The following SEZ6L variants were observed in gnomAD, a reference collection of about 807,000 sequenced individuals.
The protein encoded by SEZ6L is seizure related 6 homolog like, also known as seizure 6-like protein.
Under a neutral mutation model 106.2 loss-of-function variants are expected in SEZ6L, and 37 were observed. The observed-to-expected ratio is 0.35, with a 90% CI of 0.27 to 0.46. SEZ6L has a LOEUF of 0.46. SEZ6L is among the 20% of genes least tolerant of loss of function. SEZ6L has a pLI of 1.00. For synonymous variants in SEZ6L, 541 were observed against 570.4 expected, an observed-to-expected ratio of 0.95 and a Z score of 0.73; for missense variants, 1,172 against 1,332.8, an observed-to-expected ratio of 0.88 and a Z score of 1.88.
chr22:26,298,252 T>C (rs1428272746), intron 4 of SEZ6L, among the ~76,000 whole-genome samples: 1 of 152,180 alleles, frequency 6.6e-6, no homozygotes, highest in Non-Finnish European at 1.5e-5. Context: ...GTACTGAGAA[T>C]AAAGATATTC....
intron 1 of SEZ6L, among the ~76,000 whole-genome samples, chr22:26,275,857 T>C (rs527528303): frequency 6.6e-6 from 1 of 152,282 alleles, no homozygotes; most frequent in East Asian, 1.9e-4. Flanking sequence ...GGGGACCTTT[T>C]AGCTGGAGCA....
intron 1 of SEZ6L, among the ~76,000 whole-genome samples, chr22:26,287,861 G>A (rs2080987046): frequency 6.6e-6 from 1 of 152,230 alleles, no homozygotes; most frequent in South Asian, 2.1e-4. Flanking sequence ...TTAAGGAAAA[G>A]GGGATAGTAG....
chr22:26,182,041 C>A (rs1939433864), intron 1 of SEZ6L, among the ~76,000 whole-genome samples: 2 of 152,170 alleles, frequency 1.3e-5, no homozygotes, highest in Non-Finnish European at 2.9e-5. Flanking sequence ...CCCCTCTAGA[C>A]TGAGGTCCCT....
chr22:26,350,957 A>C (rs1401844536), intron 11 of SEZ6L, 95 bp from the exon 12 acceptor site: 18 of 1,367,072 alleles, frequency 1.3e-5, no homozygotes, highest in Non-Finnish European at 1.8e-5. Flanking sequence ...CACCCGGCCA[A>C]GTTAGGAAAC....
chr22:26,293,096 C>T lies in SEZ6L; in HGVS notation c.785C>T (p.Thr262Ile), dbSNP rs375502842. The T allele has an allele frequency of 6.2e-7, 1 of 1,604,360 alleles. No individual in the cohort carries two copies. The highest frequency in any genetic ancestry group is 8.5e-7 in the Non-Finnish European group (1 of 1,178,034). The change falls in exon 2 of 17, where the codon ACT becomes ATT. Residue 262 changes from threonine to isoleucine, a missense_variant. By Grantham distance (89) the Thr-to-Ile change is moderately conservative. Around this residue, in one of 4 missense-constraint regions of SEZ6L, gnomAD observed 494 missense variants for 445.8 expected, o/e 1.11. Transcript: ENST00000248933. ...GSASEESQET[T>I]TSTIITTTVI... is the part of the protein sequence containing the mutation. ...GCCTCAGAGGAGAGCCAGGAGACCA[C>T]TACCTCCACCATTATCACCACCACG...
At chr22:26,339,422 A>G (rs1254312101) in intron 9 of SEZ6L, among the ~76,000 whole-genome samples, 1 of 152,236 alleles carries the variant, frequency 6.6e-6, no homozygotes, top group Non-Finnish European at 1.5e-5. Flanking sequence ...TTAGAGATCA[A>G]TTTTATCTAG....
At chr22:26,250,033 T>A (rs963455378) in intron 1 of SEZ6L, among the ~76,000 whole-genome samples, 1 of 152,196 alleles carries the variant, frequency 6.6e-6, no homozygotes, top group African/African-American at 2.4e-5. Flanking sequence ...TTTGTTGCTG[T>A]TGAGTTGAGT....
chr22:26,287,717 A>C (rs1569444808), intron 1 of SEZ6L, among the ~76,000 whole-genome samples: 1 of 152,150 alleles, frequency 6.6e-6, no homozygotes. Flanking sequence ...TTTGCATGGC[A>C]CTAATCTGGC....
chr22:26,206,041 A>G (rs1406919194), intron 1 of SEZ6L, among the ~76,000 whole-genome samples: 1 of 152,084 alleles, frequency 6.6e-6, no homozygotes, highest in African/African-American at 2.4e-5. Flanking sequence ...AGCATCCAAT[A>G]ACTTGGCCTC....
At chr22:26,343,148 A>G (rs1427828977) in intron 10 of SEZ6L, among the ~76,000 whole-genome samples, 1 of 152,092 alleles carries the variant, frequency 6.6e-6, no homozygotes. Context: ...TTGGCTGTCC[A>G]GGCAATGTAC....
intron 9 of SEZ6L, among the ~76,000 whole-genome samples, chr22:26,317,181 A>G (rs1448162302): frequency 6.6e-6 from 1 of 152,200 alleles, no homozygotes; most frequent in African/African-American, 2.4e-5. Context: ...AGCTTCACAT[A>G]GAAAACTTTA....
chr22:26,231,458 G>C (rs577855831), intron 1 of SEZ6L, among the ~76,000 whole-genome samples: 1 of 152,144 alleles, frequency 6.6e-6, no homozygotes, highest in East Asian at 1.9e-4. Context: ...ACCTCAGCTT[G>C]ATTCTCAATA....
chr22:26,261,678 G>A (rs1407493988), intron 1 of SEZ6L, among the ~76,000 whole-genome samples: 1 of 152,218 alleles, frequency 6.6e-6, no homozygotes, highest in African/African-American at 2.4e-5. Context: ...GAGGAGACAA[G>A]TAGTGTGTGC....
At chr22:26,267,975 C>T (rs1208122819) in intron 1 of SEZ6L, among the ~76,000 whole-genome samples, 2 of 152,188 alleles carry the variant, frequency 1.3e-5, no homozygotes, top group East Asian at 3.9e-4. Context: ...ACAGTGGGTC[C>T]AGTGGGGAAG....
chr22:26,272,127 G>T (rs1286402662), intron 1 of SEZ6L, among the ~76,000 whole-genome samples: 1 of 152,162 alleles, frequency 6.6e-6, no homozygotes, highest in Non-Finnish European at 1.5e-5. Flanking sequence ...AGTCAGAATT[G>T]GTCCTTGGCC....
At chr22:26,247,562 G>A (rs936519430) in intron 1 of SEZ6L, among the ~76,000 whole-genome samples, 6 of 152,076 alleles carry the variant, frequency 3.9e-5, no homozygotes, top group Non-Finnish European at 8.8e-5. Flanking sequence ...TGCAAGCCGA[G>A]GAACACCAAG....
chr22:26,230,398 G>A (rs1225951972), intron 1 of SEZ6L, among the ~76,000 whole-genome samples: 1 of 152,034 alleles, frequency 6.6e-6, no homozygotes, highest in Non-Finnish European at 1.5e-5. Context: ...TTGGGACCCT[G>A]GTCAGGTCGC....
intron 1 of SEZ6L, among the ~76,000 whole-genome samples, chr22:26,277,631 A>G (rs2080595335): frequency 6.6e-6 from 1 of 152,218 alleles, no homozygotes; most frequent in African/African-American, 2.4e-5. Context: ...AGTAGCATAC[A>G]CCATCTACAA....
chr22:26,209,285 T>A (rs1406498474), intron 1 of SEZ6L, among the ~76,000 whole-genome samples: 1 of 152,242 alleles, frequency 6.6e-6, no homozygotes, highest in African/African-American at 2.4e-5. Flanking sequence ...ATTTCCCTGA[T>A]TCTTCATATG....
Sources: gnomAD v4.1 joint callset for allele counts (sites outside exome capture counted in the v4.1 genomes callset) on GRCh38, gnomAD v4.1.1 for gene constraint, gnomAD v4.1.1 regional missense constraint, MANE v1.5 for transcripts, NCBI Gene and HGNC (gene_info 2026-07-23, HGNC 2026-07-21) for gene names.